TTLL11: variants seen among roughly 807,000 people sequenced by gnomAD.
TTLL11 encodes tubulin tyrosine ligase like 11, also known as tubulin polyglutamylase TTLL11.
A neutral mutation model predicts 51.7 loss-of-function variants in TTLL11; 42 were observed. That is an observed-to-expected ratio of 0.81 (90% CI 0.64 to 1.05). TTLL11 has a LOEUF of 1.05. Among genes scored for constraint, TTLL11 ranks in the 50% least tolerant of loss-of-function variants. TTLL11 has a pLI of 0.00. For missense variants in TTLL11, 799 were observed against 940.4 expected (o/e 0.85, Z 1.97); for synonymous variants, 381 against 383.5 (o/e 0.99, Z 0.08).
intron 1 of TTLL11, among the ~76,000 whole-genome samples, chr9:122,075,777 C>A (rs996798481): frequency 3.3e-5 from 5 of 152,182 alleles, no homozygotes; most frequent in African/African-American, 1.2e-4. Context: ...GCTATGTTAT[C>A]ATGGAAAGTA....
intron 8 of TTLL11, among the ~76,000 whole-genome samples, chr9:121,825,375 C>CCA (rs1836720806): frequency 6.6e-6 from 1 of 152,220 alleles, no homozygotes; most frequent in Non-Finnish European, 1.5e-5. Context: ...CAGTGCCAAG[C>CCA]CCATGAACTG....
chr9:121,994,230 G>C (rs1455748312), intron 3 of TTLL11, among the ~76,000 whole-genome samples: 1 of 152,168 alleles, frequency 6.6e-6, no homozygotes, highest in African/African-American at 2.4e-5. Context: ...CTGCTTCGGT[G>C]GGGGGTTATG....
At chr9:121,906,594 A>AT (rs914784104) in intron 6 of TTLL11, among the ~76,000 whole-genome samples, 96 of 147,062 alleles carry the variant, frequency 6.5e-4, no homozygotes, top group South Asian at 1.5e-3. Context: ...CAGGAGGAGG[A>AT]TTTTTTTTTT....
intron 8 of TTLL11, among the ~76,000 whole-genome samples, chr9:121,826,527 ATGTG>A (rs1201618732): frequency 8.4e-5 from 4 of 47,834 alleles, no homozygotes; most frequent in Admixed American, 1.8e-4. Flanking sequence ...ATATATATAT[ATGTG>A]TGTGTGTATA....
chr9:121,826,183 CCTATAT>C (rs1385427474), intron 8 of TTLL11, among the ~76,000 whole-genome samples: 4 of 3,944 alleles, frequency 1.0e-3, no homozygotes, highest in Non-Finnish European at 1.5e-3. Context: ...TAACCAGTAA[CCTATAT>C]ATATATATAT....
intron 6 of TTLL11, among the ~76,000 whole-genome samples, chr9:121,915,756 T>C (rs1840297898): frequency 6.6e-6 from 1 of 152,186 alleles, no homozygotes; most frequent in Non-Finnish European, 1.5e-5. Flanking sequence ...TGTTGGCTAC[T>C]TTATGTTATC....
intron 1 of TTLL11, among the ~76,000 whole-genome samples, chr9:122,092,130 C>A (rs1846273333): frequency 6.7e-6 from 1 of 149,524 alleles, no homozygotes; most frequent in African/African-American, 2.6e-5. Context: ...CTAATGCTAA[C>A]AAGATGATGA....
chr9:121,841,890 T>C (rs1837361993), intron 8 of TTLL11, among the ~76,000 whole-genome samples: 1 of 151,782 alleles, frequency 6.6e-6, no homozygotes, highest in African/African-American at 2.4e-5. Context: ...CCCTGGGAGT[T>C]AAAATTGTCC....
chr9:122,036,737 C>G (rs146913626), intron 2 of TTLL11, among the ~76,000 whole-genome samples: 2 of 152,070 alleles, frequency 1.3e-5, no homozygotes, highest in African/African-American at 4.8e-5. Flanking sequence ...ATAGAAAGTG[C>G]ATTTTAGAAT....
chr9:121,838,689 A>C (rs531528355), intron 8 of TTLL11, among the ~76,000 whole-genome samples: 1 of 152,200 alleles, frequency 6.6e-6, no homozygotes, highest in Non-Finnish European at 1.5e-5. Context: ...ACTGCACTCC[A>C]GACTGGGTGA....
chr9:121,874,355 T>A (rs1045044372), intron 6 of TTLL11, among the ~76,000 whole-genome samples: 1 of 152,206 alleles, frequency 6.6e-6, no homozygotes, highest in Non-Finnish European at 1.5e-5. Flanking sequence ...ACAAATCCTA[T>A]GTGGAATTAT....
intron 8 of TTLL11, among the ~76,000 whole-genome samples, chr9:121,827,079 C>G (rs1007310470): frequency 6.6e-6 from 1 of 152,140 alleles, no homozygotes; most frequent in African/African-American, 2.4e-5. Flanking sequence ...GGGTTTGGAC[C>G]CATAACAGTC....
intron 6 of TTLL11, among the ~76,000 whole-genome samples, chr9:121,909,007 C>A (rs1006870293): frequency 1.3e-5 from 2 of 152,202 alleles, no homozygotes; most frequent in African/African-American, 4.8e-5. Context: ...TCAACCATTC[C>A]TTCATTTGCT....
At chr9:122,036,153 C>T (rs1844693479) in intron 2 of TTLL11, among the ~76,000 whole-genome samples, 1 of 152,068 alleles carries the variant, frequency 6.6e-6, no homozygotes, top group African/African-American at 2.4e-5. Context: ...CAGCAAAGCC[C>T]CTAGGCTGTA....
intron 3 of TTLL11, among the ~76,000 whole-genome samples, chr9:121,999,959 T>C (rs1402935918): frequency 6.6e-6 from 1 of 152,236 alleles, no homozygotes; most frequent in Non-Finnish European, 1.5e-5. Context: ...CAGGTCCACA[T>C]ATCAGTTCCT....
Position 121,844,041 on chromosome 9 carries a change from A to C in TTLL11, c.1840+16296T>G, listed in dbSNP as rs964364757. On this transcript the variant is annotated intron_variant, in intron 8 of 8. Transcript: ENST00000321582. ...GCAATTAGGTAACTCTAGCTTTTCT[A>C]GCCTTTCTAGTTTTCACACATAAAG... is the stretch of plus-strand genomic sequence containing the variant. 4.6e-5 allele frequency among the ~76,000 whole-genome samples: 7 copies of C among 152,284 alleles called. No homozygotes were observed. In the South Asian group the frequency reaches 1.5e-3, roughly 32 times the overall value.
intron 4 of TTLL11, among the ~76,000 whole-genome samples, chr9:121,985,518 T>TC (rs1842921056): frequency 2.8e-5 from 4 of 141,274 alleles, no homozygotes; most frequent in Admixed American, 2.8e-4. Flanking sequence ...CTTTTCTTTT[T>TC]TTTTTTTTTT....
chr9:121,892,627 A>G (rs756655006), intron 6 of TTLL11, among the ~76,000 whole-genome samples: 1 of 152,148 alleles, frequency 6.6e-6, no homozygotes, highest in Non-Finnish European at 1.5e-5. Flanking sequence ...GAGCCAAACC[A>G]TATCAAGAAC....
chr9:121,846,791 A>G (rs1177468156), intron 8 of TTLL11, among the ~76,000 whole-genome samples: 2 of 152,230 alleles, frequency 1.3e-5, no homozygotes, highest in Admixed American at 6.5e-5. Flanking sequence ...ATTAGTGCTT[A>G]GAAGAACAAT....
Sources: allele counts gnomAD v4.1 joint callset (sites outside exome capture counted in the v4.1 genomes callset), GRCh38; gene constraint gnomAD v4.1.1; transcripts MANE v1.5; gene names NCBI Gene and HGNC (gene_info 2026-07-23, HGNC 2026-07-21).